Variants in SCAI observed in about 807,000 individuals in gnomAD.
The protein encoded by SCAI is suppressor of cancer cell invasion.
SCAI carries 24 observed loss-of-function variants against 92.2 expected under a neutral mutation model. The observed-to-expected ratio is 0.26, with a 90% CI of 0.19 to 0.37. The LOEUF (loss-of-function observed/expected upper bound fraction) is 0.37. SCAI is among the 10% of genes least tolerant of loss of function. The pLI is 1.00. For missense variants in SCAI, 450 were observed against 736.2 expected (o/e 0.61, Z 4.50); for synonymous variants, 261 against 258.6 (o/e 1.01, Z -0.09).
intron 2 of SCAI, among the ~76,000 whole-genome samples, chr9:125,094,113 AT>A (rs1834498437): frequency 6.6e-6 from 1 of 152,116 alleles, no homozygotes. Flanking sequence ...AGACAAGATG[AT>A]CTTTTAAAAT....
intron 2 of SCAI, among the ~76,000 whole-genome samples, chr9:125,141,775 T>C (rs1588261288): frequency 6.6e-6 from 1 of 151,770 alleles, no homozygotes; most frequent in Non-Finnish European, 1.5e-5. Flanking sequence ...TGCATGATTT[T>C]GGGTAAATAT....
At chr9:125,068,273 G>A (rs181925769) in intron 2 of SCAI, among the ~76,000 whole-genome samples, 574 of 152,286 alleles carry the variant, frequency 3.8e-3, no homozygotes, top group Middle Eastern at 0.014. Flanking sequence ...GGCCAAGGCA[G>A]GAGGATCGCT....
At chr9:125,079,202 G>A (rs1834156096) in intron 2 of SCAI, among the ~76,000 whole-genome samples, 1 of 152,024 alleles carries the variant, frequency 6.6e-6, no homozygotes. Flanking sequence ...CAGATTTTCT[G>A]CAAATGGCAA....
intron 4 of SCAI, 73 bp from the exon 5 acceptor site, chr9:125,028,551 A>G (rs971542964): frequency 2.9e-6 from 2 of 692,552 alleles, no homozygotes; most frequent in East Asian, 3.0e-5. Flanking sequence ...TGTAAATTCA[A>G]TAGGATAAAA....
At chr9:125,000,603 G>GA (rs11315935) in intron 12 of SCAI, among the ~76,000 whole-genome samples, 13 of 144,294 alleles carry the variant, frequency 9.0e-5, no homozygotes, top group Admixed American at 3.5e-4. Context: ...CCCTGTCTCA[G>GA]AAAAAAAAAA....
chr9:125,005,176 T>A (rs1179730228), intron 9 of SCAI, among the ~76,000 whole-genome samples: 1 of 152,096 alleles, frequency 6.6e-6, no homozygotes, highest in Non-Finnish European at 1.5e-5. Flanking sequence ...TCAGTAATAC[T>A]TATATAGAAC....
At chr9:124,982,679 CAA>C (rs35467160) in intron 14 of SCAI, among the ~76,000 whole-genome samples, 1,336 of 74,074 alleles carry the variant, frequency 0.018, 36 homozygotes, top group Admixed American at 0.11. Context: ...GACTCTGTCT[CAA>C]AAAAAAAAAA....
At chr9:125,060,348 C>T (rs929747952) in intron 2 of SCAI, among the ~76,000 whole-genome samples, 1 of 151,530 alleles carries the variant, frequency 6.6e-6, no homozygotes, top group Non-Finnish European at 1.5e-5. Flanking sequence ...AATATGTAAT[C>T]CTAGCAACAG....
At chr9:125,094,332 C>G (rs1422228722) in intron 2 of SCAI, among the ~76,000 whole-genome samples, 1 of 152,094 alleles carries the variant, frequency 6.6e-6, no homozygotes, top group Non-Finnish European at 1.5e-5. Context: ...ATGTACACAC[C>G]AATACTCTAC....
At chr9:125,110,443 A>G (rs1221613767) in intron 2 of SCAI, among the ~76,000 whole-genome samples, 1 of 152,198 alleles carries the variant, frequency 6.6e-6, no homozygotes, top group African/African-American at 2.4e-5. Context: ...CCAGGAGTTC[A>G]AGACCAGCCT....
chr9:125,113,103 C>T (rs1448608493), intron 2 of SCAI, among the ~76,000 whole-genome samples: 3 of 152,172 alleles, frequency 2.0e-5, no homozygotes, highest in African/African-American at 7.2e-5. Flanking sequence ...TTTAAGTGTG[C>T]ACTGTGCAAT....
chr9:124,969,837 C>T (rs538214198), intron 17 of SCAI, among the ~76,000 whole-genome samples: 1 of 152,054 alleles, frequency 6.6e-6, no homozygotes, highest in East Asian at 1.9e-4. Flanking sequence ...GAAACTGATA[C>T]AAGAATTTCA....
intron 9 of SCAI, among the ~76,000 whole-genome samples, chr9:125,009,388 G>T (rs893688844): frequency 1.3e-5 from 2 of 152,116 alleles, no homozygotes; most frequent in African/African-American, 4.8e-5. Context: ...TCCTGCCTCA[G>T]CCTCCCAAGT....
intron 1 of SCAI, 132 bp downstream of exon 1, chr9:125,143,253 C>G (rs1000143117): frequency 1.2e-4 from 43 of 363,238 alleles, no homozygotes; most frequent in East Asian, 3.3e-4. Flanking sequence ...CCCCCAAGGT[C>G]CCCCCAGCCT....
chr9:125,136,454 TTC>T (rs1835530884), intron 2 of SCAI, among the ~76,000 whole-genome samples: 1 of 141,574 alleles, frequency 7.1e-6, no homozygotes, highest in African/African-American at 2.6e-5. Flanking sequence ...ACTAATACCT[TTC>T]TTTTTTTTTT....
At chr9:125,073,965 A>G (rs1225297350) in intron 2 of SCAI, among the ~76,000 whole-genome samples, 1 of 150,410 alleles carries the variant, frequency 6.6e-6, no homozygotes, top group Non-Finnish European at 1.5e-5. Context: ...TTTTAAACAT[A>G]GAGTTGCCAG....
intron 3 of SCAI, 47 bp downstream of exon 3, chr9:125,055,829 C>A: frequency 1.3e-6 from 2 of 1,511,010 alleles, no homozygotes; most frequent in South Asian, 2.7e-5. Flanking sequence ...AGAAAAAAAA[C>A]AAATGCAGAA....
chr9:124,975,415 A>C (rs866875456), intron 15 of SCAI: 2 of 454,462 alleles, frequency 4.4e-6, no homozygotes, highest in South Asian at 3.1e-5. Context: ...GAGATAGTGA[A>C]ACAGTGACAA....
chr9:125,060,456 A>G (rs1334573722), intron 2 of SCAI, among the ~76,000 whole-genome samples: 1 of 152,222 alleles, frequency 6.6e-6, no homozygotes, highest in Non-Finnish European at 1.5e-5. Context: ...TATTCTGAAT[A>G]TATAACCAAA....
Sources: gnomAD v4.1 joint callset for allele counts (sites outside exome capture counted in the v4.1 genomes callset) on GRCh38, gnomAD v4.1.1 for gene constraint, MANE v1.5 for transcripts, NCBI Gene and HGNC (gene_info 2026-07-23, HGNC 2026-07-21) for gene names.